SOCS5: variants seen among roughly 807,000 people sequenced by gnomAD.
SOCS5 encodes the protein CIS-6.
In SOCS5, 32 loss-of-function variants were observed where a neutral mutation model predicts 42.8. That is an observed-to-expected ratio of 0.75 (90% confidence interval 0.56 to 1.01). SOCS5 has a LOEUF of 1.01. SOCS5 is among the 50% of genes least tolerant of loss of function. The pLI, the probability that SOCS5 is intolerant of heterozygous loss-of-function variation, is 0.00. For synonymous variants in SOCS5, 283 were observed against 229.6 expected, an observed-to-expected ratio of 1.23 and a Z score of -2.10; for missense variants, 627 against 653.0, an observed-to-expected ratio of 0.96 and a Z score of 0.43.
At chr2:46,753,575 A>G (rs1380566339) in intron 1 of SOCS5, among the ~76,000 whole-genome samples, 1 of 152,210 alleles carries the variant, frequency 6.6e-6, no homozygotes, top group Non-Finnish European at 1.5e-5. Flanking sequence ...ACCTTGCGCA[A>G]CAAAGAATTC....
At chr2:46,723,935 T>C (rs1296651797) in intron 1 of SOCS5, among the ~76,000 whole-genome samples, 1 of 152,068 alleles carries the variant, frequency 6.6e-6, no homozygotes, top group Non-Finnish European at 1.5e-5. Flanking sequence ...TCTTTTCTTA[T>C]TTCTTTCATT....
At chr2:46,705,238 C>T (rs1319121425) in intron 1 of SOCS5, among the ~76,000 whole-genome samples, 3 of 152,140 alleles carry the variant, frequency 2.0e-5, no homozygotes, top group East Asian at 1.9e-4. Context: ...AGTTTATAGC[C>T]GGTTGGTCAG....
At position 46,759,054 on chromosome 2, in the gene SOCS5, GCTCT is replaced by G. The variant is rs1558414880; in HGVS notation, c.527_530del (p.Ser176Ter). 1.9e-6 allele frequency: 3 copies of G among 1,613,934 alleles called. No homozygotes were observed. The highest frequency in any genetic ancestry group is 1.1e-5 in the South Asian group (1 of 91,068). Reference sequence around the variant, plus strand: ...GTTTCCAGCAGAACTGTAGGAAGTCGCTCTCTAAGACAGAGGTTGCAGGATACTG... The same window carrying G: ...GTTTCCAGCAGAACTGTAGGAAGTCGCTAAGACAGAGGTTGCAGGATACTG... On this transcript the variant is annotated frameshift_variant, in exon 2 of 2. Coordinates refer to ENST00000394861, the MANE Select transcript of SOCS5 (RefSeq NM_144949.3). LOFTEE classifies it high-confidence loss of function.
At chr2:46,749,527 T>C (rs1008407513) in intron 1 of SOCS5, among the ~76,000 whole-genome samples, 2 of 152,208 alleles carry the variant, frequency 1.3e-5, no homozygotes, top group Non-Finnish European at 2.9e-5. Context: ...GTGTATTTGT[T>C]AGTATATTAC....
chr2:46,720,239 T>C (rs1446620252), intron 1 of SOCS5, among the ~76,000 whole-genome samples: 2 of 152,204 alleles, frequency 1.3e-5, no homozygotes, highest in Non-Finnish European at 2.9e-5. Context: ...TTAAGATTGT[T>C]TTCTTGTACA....
At chr2:46,722,061 A>T (rs907675652) in intron 1 of SOCS5, among the ~76,000 whole-genome samples, 2 of 151,870 alleles carry the variant, frequency 1.3e-5, no homozygotes, top group Non-Finnish European at 2.9e-5. Context: ...TTAAACTTCT[A>T]TTTGATTGTA....
At chr2:46,747,881 A>G (rs1453451665) in intron 1 of SOCS5, among the ~76,000 whole-genome samples, 1 of 152,342 alleles carries the variant, frequency 6.6e-6, no homozygotes, top group South Asian at 2.1e-4. Context: ...TATTTAAAAA[A>G]TCTTTTCAGA....
At chr2:46,703,189 G>A (rs1319021398) in intron 1 of SOCS5, among the ~76,000 whole-genome samples, 5 of 152,116 alleles carry the variant, frequency 3.3e-5, no homozygotes, top group African/African-American at 9.7e-5. Context: ...GCTATAGCTC[G>A]AAAGCAATGT....
In SOCS5 at chr2:46,733,958, A is replaced by G. The variant is rs73926573; in HGVS notation, c.-12-24561A>G. ...ACACTCCATTTAGGATGTAATCAGT[A>G]TGCAGTAACTATTTATTAAAAGACT... On this transcript the variant is annotated intron_variant, in intron 1 of 1. Coordinates refer to ENST00000394861, the MANE Select transcript of SOCS5 (RefSeq NM_144949.3). 5.3e-3 allele frequency among the ~76,000 whole-genome samples: 801 copies of G among 152,374 alleles called. 6 individuals are homozygous for G. The highest frequency in any genetic ancestry group is 0.018 in the African/African-American group (745 of 41,588).
chr2:46,735,798 C>G (rs191484333), intron 1 of SOCS5, among the ~76,000 whole-genome samples: 1 of 151,830 alleles, frequency 6.6e-6, no homozygotes, highest in Admixed American at 6.6e-5. Flanking sequence ...GATGTCTTTT[C>G]TTATACTTAA....
rs948456353 is a variant in SOCS5, at chr2:46,730,820, G to A, written c.-12-27699G>A. 2.6e-5 allele frequency among the ~76,000 whole-genome samples: 4 copies of A among 152,112 alleles called. No homozygotes were observed. In the East Asian group the frequency reaches 7.7e-4, roughly 29 times the overall value. Reference sequence around the variant, plus strand: ...TTACCTTGAAGTATATGTAGGCTAGGATATCGGATTAGTAGGTATATTCAG... The same window carrying A: ...TTACCTTGAAGTATATGTAGGCTAGAATATCGGATTAGTAGGTATATTCAG... On this transcript the variant is annotated intron_variant, in intron 1 of 1. Coordinates refer to ENST00000394861, the MANE Select transcript of SOCS5 (RefSeq NM_144949.3).
At position 46,758,839 on chromosome 2, in the gene SOCS5, C is replaced by T. The variant is rs17853110; in HGVS notation, c.309C>T (p.Thr103=). ...AAAAGGATAATGATTCTTGTGTTAC[C>T]CCAGGAACAAGACTTGCACGAAGAG... ...SIEKDNDSCV[T]PGTRLARRDS... is the part of the protein sequence containing the mutation. Residue 103 remains threonine, a synonymous_variant, in exon 2 of 2, where the codon ACC becomes ACT. Coordinates refer to ENST00000394861, the MANE Select transcript of SOCS5 (RefSeq NM_144949.3). 2.5e-6 allele frequency: 4 copies of T among 1,613,934 alleles called. No homozygotes were observed. The highest frequency in any genetic ancestry group is 1.7e-5 in the Admixed American group (1 of 60,008).
At position 46,759,449 on chromosome 2, in the gene SOCS5, A is replaced by G; in HGVS notation, c.919A>G (p.Met307Val). Residue 307 changes from methionine to valine, a missense_variant, in exon 2 of 2, where the codon ATG becomes GTG. By Grantham distance (21) the Met-to-Val change is conservative (BLOSUM62 1). Coordinates refer to ENST00000394861, the MANE Select transcript of SOCS5 (RefSeq NM_144949.3). ...ACTGGGACCAAAATTAGCTCCTGGA[A>G]TGACTGAAATAAGTGGGGACAGTTC... ...YKLGPKLAPG[M>V]TEISGDSSAI... 2 of 1,614,016 alleles carry G rather than the reference A, an allele frequency of 1.2e-6. No homozygotes were observed. The highest frequency in any genetic ancestry group is 1.7e-6 in the Non-Finnish European group (2 of 1,179,868).
chr2:46,729,036 C>T lies in SOCS5; in HGVS notation c.-12-29483C>T, dbSNP rs187411196. Among the ~76,000 whole-genome samples the T allele has an allele frequency of 6.6e-5, 10 of 152,292 alleles. No homozygotes were observed. The East Asian group carries it at 1.7e-3, about 26-fold the overall frequency. On this transcript the variant is annotated intron_variant, in intron 1 of 1. Transcript: ENST00000394861. ...ATTCTGGGAGTGAGACCCCATAATT[C>T]GTTTTGACAAGCCGTCTGTTATCCT...
chr2:46,742,467 C>G (rs1021826368), intron 1 of SOCS5, among the ~76,000 whole-genome samples: 2 of 151,350 alleles, frequency 1.3e-5, no homozygotes, highest in African/African-American at 4.9e-5. Context: ...TGTATCATGT[C>G]GTTTCCATAT....
chr2:46,745,861 A>G (rs1161462820), intron 1 of SOCS5, among the ~76,000 whole-genome samples: 1 of 152,154 alleles, frequency 6.6e-6, no homozygotes, highest in Non-Finnish European at 1.5e-5. Flanking sequence ...CAGAATTCCC[A>G]TTTTTAAAGA....
intron 1 of SOCS5, among the ~76,000 whole-genome samples, chr2:46,746,195 G>C (rs971900906): frequency 5.3e-5 from 8 of 152,118 alleles, no homozygotes; most frequent in African/African-American, 1.9e-4. Flanking sequence ...TTAGGGGGCA[G>C]TGGAGATGGA....
In SOCS5 at chr2:46,759,266, T is replaced by A. The variant is rs751132740; in HGVS notation, c.736T>A (p.Phe246Ile). 2.5e-6 allele frequency: 4 copies of A among 1,614,010 alleles called. No individual in the cohort carries two copies. In the East Asian group the frequency reaches 8.9e-5, roughly 36 times the overall value. ...HTAPVSPHST[F>I]FDTFDPSLVS... ...AGCTCCTGTGAGCCCACATTCAACA[T>A]TTTTTGATACATTTGATCCATCTTT... The change falls in exon 2 of 2, where the codon TTT becomes ATT. Residue 246 changes from phenylalanine to isoleucine, a missense_variant. Transcript: ENST00000394861.
At chr2:46,748,723 T>C (rs1673562482) in intron 1 of SOCS5, among the ~76,000 whole-genome samples, 1 of 152,198 alleles carries the variant, frequency 6.6e-6, no homozygotes, top group Non-Finnish European at 1.5e-5. Flanking sequence ...AAAGTTGTTA[T>C]TATCAAAACA....
Sources: gnomAD v4.1 joint callset for allele counts (sites outside exome capture counted in the v4.1 genomes callset) on GRCh38, gnomAD v4.1.1 for gene constraint, MANE v1.5 for transcripts, NCBI Gene and HGNC (gene_info 2026-07-23, HGNC 2026-07-21) for gene names.